SLC22A15: variants seen among roughly 807,000 people sequenced by gnomAD.
SLC22A15 encodes the protein flipt 1.
Under a neutral mutation model 62.7 loss-of-function variants are expected in SLC22A15, and 45 were observed. The ratio of observed to expected loss-of-function variants is 0.72; its 90% CI spans 0.56 to 0.92. The LOEUF is 0.92. Among genes scored for constraint, SLC22A15 ranks in the 40% least tolerant of loss-of-function variants. SLC22A15 has a pLI of 0.00. For synonymous variants in SLC22A15, 264 were observed against 267.0 expected, an observed-to-expected ratio of 0.99 and a Z score of 0.11; for missense variants, 622 against 665.6, an observed-to-expected ratio of 0.93 and a Z score of 0.72.
At chr1:116,021,125 A>G (rs536095690) in intron 4 of SLC22A15, among the ~76,000 whole-genome samples, 13 of 152,342 alleles carry the variant, frequency 8.5e-5, no homozygotes, top group African/African-American at 3.1e-4. Context: ...CGCCTCATGG[A>G]CTGCCTACAG....
intron 8 of SLC22A15, among the ~76,000 whole-genome samples, chr1:116,043,357 T>A (rs1250236676): frequency 6.6e-6 from 1 of 151,922 alleles, no homozygotes; most frequent in African/African-American, 2.4e-5. Context: ...ACCCGGGAGG[T>A]GGAGGTTGCA....
intron 8 of SLC22A15, among the ~76,000 whole-genome samples, chr1:116,060,370 G>T (rs1658349643): frequency 6.6e-6 from 1 of 152,166 alleles, no homozygotes; most frequent in African/African-American, 2.4e-5. Flanking sequence ...TGTAGCTGGA[G>T]CCAGGCTTCC....
intron 4 of SLC22A15, among the ~76,000 whole-genome samples, chr1:116,023,443 A>G (rs1656937584): frequency 6.6e-6 from 1 of 152,230 alleles, no homozygotes; most frequent in African/African-American, 2.4e-5. Context: ...AAACTAAAGA[A>G]TACATGTAGT....
At chr1:116,055,552 T>A (rs1338257432) in intron 8 of SLC22A15, among the ~76,000 whole-genome samples, 1 of 148,642 alleles carries the variant, frequency 6.7e-6, no homozygotes, top group African/African-American at 2.5e-5. Flanking sequence ...TTAAGTCATT[T>A]TATGAGGCCA....
At chr1:116,034,493 G>A (rs1172505267) in intron 6 of SLC22A15, among the ~76,000 whole-genome samples, 1 of 152,096 alleles carries the variant, frequency 6.6e-6, no homozygotes, top group Non-Finnish European at 1.5e-5. Context: ...TTTCAGGAAC[G>A]GTGTACATAA....
At chr1:116,010,309 A>T (rs1656185787) in intron 2 of SLC22A15, among the ~76,000 whole-genome samples, 1 of 152,232 alleles carries the variant, frequency 6.6e-6, no homozygotes, top group African/African-American at 2.4e-5. Context: ...ACTGACTGTT[A>T]TCTTGAGATT....
chr1:116,007,628 A>G (rs1349287116), intron 2 of SLC22A15, among the ~76,000 whole-genome samples: 1 of 152,200 alleles, frequency 6.6e-6, no homozygotes, highest in Non-Finnish European at 1.5e-5. Context: ...CTTTTTAAAA[A>G]TGCACTCTGG....
intron 2 of SLC22A15, among the ~76,000 whole-genome samples, chr1:116,005,764 T>G (rs1018037298): frequency 6.6e-6 from 1 of 152,282 alleles, no homozygotes; most frequent in African/African-American, 2.4e-5. Flanking sequence ...GGAGGAGTTT[T>G]AGCTGAGAGC....
intron 10 of SLC22A15, 50 bp downstream of exon 10, chr1:116,064,558 A>G: frequency 8.1e-7 from 1 of 1,235,992 alleles, no homozygotes; most frequent in Non-Finnish European, 1.2e-6. Context: ...TGCTTTGGAA[A>G]TGCTTATGCT....
intron 8 of SLC22A15, among the ~76,000 whole-genome samples, chr1:116,040,830 T>C (rs1657760084): frequency 6.6e-6 from 1 of 152,200 alleles, no homozygotes; most frequent in Non-Finnish European, 1.5e-5. Context: ...GGTCGGGAGC[T>C]CCTGGTCTCA....
At chr1:116,015,378 C>G (rs1359952404) in intron 2 of SLC22A15, 1 of 152,192 alleles carries the variant, frequency 6.6e-6, no homozygotes, top group Non-Finnish European at 1.5e-5. Flanking sequence ...CTAGCAGTTA[C>G]TTTGACACTT....
intron 2 of SLC22A15, among the ~76,000 whole-genome samples, chr1:115,997,974 GT>G (rs56117164): frequency 0.92 from 140,217 of 152,052 alleles, 64,770 homozygotes; most frequent in Middle Eastern, 0.99. Flanking sequence ...TCTATACCCA[GT>G]TTTTTTGCAG....
At chr1:116,064,994 T>G (rs1021783426) in intron 10 of SLC22A15, among the ~76,000 whole-genome samples, 2 of 152,170 alleles carry the variant, frequency 1.3e-5, no homozygotes, top group African/African-American at 4.8e-5. Flanking sequence ...AATATGTCTC[T>G]CACTGTGTCT....
chr1:116,046,398 A>C (rs557259279), intron 8 of SLC22A15, among the ~76,000 whole-genome samples: 19 of 152,352 alleles, frequency 1.2e-4, no homozygotes, highest in Non-Finnish European at 1.3e-4. Flanking sequence ...TCTAATAATA[A>C]GGAAAAAATA....
rs201580914 is a variant in SLC22A15 at position 116,045,669 on chromosome 1, G to C, written c.1171+8281G>C. Among the ~76,000 whole-genome samples the C allele has an allele frequency of 2.1e-5, 3 of 141,278 alleles. No homozygotes were observed. The East Asian group carries it at 6.9e-4, about 32-fold the overall frequency. 92.7% of individuals were successfully genotyped at this position (141,278 alleles called of 152,430 possible). On this transcript the variant is annotated intron_variant, in intron 8 of 11. Coordinates refer to ENST00000369503, the MANE Select transcript of SLC22A15 (RefSeq NM_018420.3). ...CAGGAGAATTGCTTGAACCCGGGGGGTAGAGGTTGCAGTGAGCCAAGATCG... is the reference window on the plus strand; with the variant it reads ...CAGGAGAATTGCTTGAACCCGGGGGCTAGAGGTTGCAGTGAGCCAAGATCG...
intron 8 of SLC22A15, among the ~76,000 whole-genome samples, chr1:116,049,549 G>C (rs553877592): frequency 9.9e-5 from 15 of 152,210 alleles, no homozygotes; most frequent in Admixed American, 3.9e-4. Flanking sequence ...TCTTCGAACT[G>C]AATGACAGTA....
At chr1:115,995,134 C>T (rs1655357455) in intron 2 of SLC22A15, among the ~76,000 whole-genome samples, 2 of 152,228 alleles carry the variant, frequency 1.3e-5, no homozygotes, top group South Asian at 2.1e-4. Context: ...TAATGTATCC[C>T]TCTCAGGGTA....
intron 2 of SLC22A15, among the ~76,000 whole-genome samples, chr1:116,008,816 G>A (rs546243694): frequency 4.6e-5 from 7 of 152,122 alleles, no homozygotes; most frequent in African/African-American, 1.7e-4. Flanking sequence ...GGCCACTGTG[G>A]CATGGGCCCA....
chr1:116,048,926 A>T (rs1657990998), intron 8 of SLC22A15, among the ~76,000 whole-genome samples: 1 of 152,256 alleles, frequency 6.6e-6, no homozygotes, highest in South Asian at 2.1e-4. Flanking sequence ...ATGCAAATGG[A>T]CACAAAAAGT....
Sources: gnomAD v4.1 joint callset for allele counts (sites outside exome capture counted in the v4.1 genomes callset) on GRCh38, gnomAD v4.1.1 for gene constraint, MANE v1.5 for transcripts, NCBI Gene and HGNC (gene_info 2026-07-23, HGNC 2026-07-21) for gene names.